Variants in AKAP13 observed in about 807,000 individuals in gnomAD.
AKAP13 encodes A-kinase anchoring protein 13, also known as A-kinase anchor protein 13.
AKAP13 carries 80 observed loss-of-function variants against 264.5 expected under a neutral mutation model. The observed-to-expected ratio is 0.30, with a 90% CI of 0.25 to 0.36. The LOEUF is 0.36. AKAP13 is among the 10% of genes least tolerant of loss of function. The probability of loss-of-function intolerance (pLI) is 1.00; values close to 1 mark genes in which losing one functional copy is unlikely to be tolerated. For missense variants in AKAP13, 3,712 were observed against 3,435.2 expected (o/e 1.08, Z -2.01); for synonymous variants, 1,380 against 1,250.2 (o/e 1.10, Z -2.19).
At chr15:85,384,163 AG>A (rs975739815) in intron 1 of AKAP13, among the ~76,000 whole-genome samples, 4 of 152,248 alleles carry the variant, frequency 2.6e-5, no homozygotes, top group African/African-American at 9.6e-5. Flanking sequence ...TCAAACTTAC[AG>A]ATTGAGGATA....
intron 1 of AKAP13, among the ~76,000 whole-genome samples, chr15:85,442,543 T>C (rs1191859174): frequency 7.5e-6 from 1 of 133,626 alleles, no homozygotes; most frequent in Non-Finnish European, 1.6e-5. Flanking sequence ...ATATATATTA[T>C]ATATATATTT....
At chr15:85,673,427 A>T (rs1220956419) in intron 14 of AKAP13, among the ~76,000 whole-genome samples, 1 of 152,084 alleles carries the variant, frequency 6.6e-6, no homozygotes, top group African/African-American at 2.4e-5. Context: ...AGGGGGTCGC[A>T]GTAGCACAGG....
chr15:85,713,573 T>TGGGGGTGGGGGC (rs2086746970), intron 19 of AKAP13, among the ~76,000 whole-genome samples: 1 of 3,674 alleles, frequency 2.7e-4, no homozygotes, highest in East Asian at 6.7e-3. Flanking sequence ...TGGGTGGGGG[T>TGGGGGTGGGGGC]GGGGGTGGGG....
rs755528819 is a variant in AKAP13 at position 85,530,918 on chromosome 15, A to C, written c.182-2666A>C. ...TTTAGAGACAGGGTCTCTGTCTCCC[A>C]GGCTAGAGTCCAGTGGCATGATCTT... On this transcript the variant is annotated intron_variant, in intron 3 of 36. Coordinates refer to ENST00000394518, the MANE Select transcript of AKAP13 (RefSeq NM_007200.5). Among the ~76,000 whole-genome samples the C allele has an allele frequency of 6.6e-5, 10 of 152,202 alleles. 1 individual carries two copies. Among genetic ancestry groups the C allele is most frequent in the Non-Finnish European group, 1.5e-4 (10 of 68,024 alleles).
At chr15:85,657,944 T>C (rs1312971480) in intron 11 of AKAP13, among the ~76,000 whole-genome samples, 1 of 152,208 alleles carries the variant, frequency 6.6e-6, no homozygotes, top group African/African-American at 2.4e-5. Context: ...TGTGACTGTG[T>C]CTGTCATGTA....
intron 30 of AKAP13, among the ~76,000 whole-genome samples, chr15:85,734,748 C>G (rs558433265): frequency 2.0e-5 from 3 of 152,316 alleles, no homozygotes; most frequent in African/African-American, 7.2e-5. Context: ...TCTGCCTTCC[C>G]TGTACACTTT....
At position 85,639,438 on chromosome 15, in the gene AKAP13, A is replaced by G. The variant is rs753761905; in HGVS notation, c.4226A>G (p.Lys1409Arg). 3 of 1,612,080 alleles carry G rather than the reference A, an allele frequency of 1.9e-6. No individual in the cohort carries two copies. Among genetic ancestry groups the G allele is most frequent in the South Asian group, 1.1e-5 (1 of 91,036 alleles). ...GATGCAGCATCTCTTCTGGCTTCCA[A>G]GCAGAGCCCAGGTAAGCTGAGATTA... ...CPDAASLLASKQSPECENFLD... is the reference protein window; with the variant it reads ...CPDAASLLASRQSPECENFLD... Residue 1409 changes from lysine (K) to arginine (R), a missense_variant, in exon 9 of 37, where the codon AAG (lysine) becomes AGG (arginine). Coordinates refer to ENST00000394518, the MANE Select transcript of AKAP13 (RefSeq NM_007200.5).
intron 1 of AKAP13, among the ~76,000 whole-genome samples, chr15:85,407,693 A>G (rs1841193640): frequency 6.6e-6 from 1 of 151,764 alleles, no homozygotes; most frequent in South Asian, 2.1e-4. Flanking sequence ...GAGGTGTAGA[A>G]TTATTTCGTG....
intron 12 of AKAP13, 67 bp from the exon 13 acceptor site, chr15:85,664,496 T>C: frequency 6.8e-7 from 1 of 1,480,026 alleles, no homozygotes; most frequent in Non-Finnish European, 9.1e-7. Context: ...CCCAAAGGGA[T>C]TTTGTGTCCT....
intron 14 of AKAP13, among the ~76,000 whole-genome samples, chr15:85,672,490 T>C (rs2083984953): frequency 1.3e-5 from 2 of 152,208 alleles, no homozygotes; most frequent in African/African-American, 4.8e-5. Flanking sequence ...TACTTCATAA[T>C]TTGCTCCAGG....
chr15:85,563,182 A>G (rs576705292), intron 5 of AKAP13, among the ~76,000 whole-genome samples: 3 of 152,172 alleles, frequency 2.0e-5, no homozygotes, highest in African/African-American at 7.2e-5. Flanking sequence ...ACATAATTAG[A>G]TGAATTTGTA....
At chr15:85,700,749 C>T (rs766895178) in intron 17 of AKAP13, among the ~76,000 whole-genome samples, 1 of 151,994 alleles carries the variant, frequency 6.6e-6, no homozygotes, top group African/African-American at 2.4e-5. Context: ...ATCAGCCTAC[C>T]TATTCATTTG....
At chr15:85,632,742 A>C (rs2081895943) in intron 8 of AKAP13, among the ~76,000 whole-genome samples, 1 of 152,264 alleles carries the variant, frequency 6.6e-6, no homozygotes, top group Admixed American at 6.5e-5. Flanking sequence ...CATGTACCTA[A>C]AATGACAGGA....
intron 5 of AKAP13, among the ~76,000 whole-genome samples, chr15:85,547,126 C>G (rs1007665359): frequency 2.6e-5 from 4 of 152,194 alleles, no homozygotes; most frequent in Non-Finnish European, 5.9e-5. Context: ...AAGCCGGCCT[C>G]TTTTATTGCC....
At position 85,710,644 on chromosome 15, in the gene AKAP13, G is replaced by T. The variant is rs1243245343; in HGVS notation, c.5598G>T (p.Lys1866Asn). 6.2e-7 allele frequency: 1 copy of T among 1,613,542 alleles called. No individual in the cohort carries two copies. The highest frequency in any genetic ancestry group is 2.2e-5 in the East Asian group (1 of 44,836). The change falls in exon 19 of 37, where the codon AAG (lysine) becomes AAT (asparagine). Residue 1866 changes from lysine (K) to asparagine (N), a missense_variant and splice_region_variant. Lys to Asn is a moderately conservative substitution (Grantham distance 94). Transcript: ENST00000394518. ...SSLPTVIMRN[K>N]PSQPKERPRS... ...TGCCCACGGTCATTATGAGAAACAA[G>T]CGTAAGTAGCTCAGCCCACCTCTCA...
chr15:85,446,323 AGT>A (rs1813139395), intron 1 of AKAP13, among the ~76,000 whole-genome samples: 1 of 152,174 alleles, frequency 6.6e-6, no homozygotes, highest in African/African-American at 2.4e-5. Context: ...ATAAGGAGAC[AGT>A]GTGGAGGTAA....
intron 1 of AKAP13, among the ~76,000 whole-genome samples, chr15:85,476,019 A>G (rs1027201979): frequency 5.9e-5 from 9 of 152,216 alleles, no homozygotes; most frequent in Admixed American, 1.3e-4. Flanking sequence ...AAGCACAAAA[A>G]TAAAAGAAAA....
At chr15:85,624,773 C>G (rs1035054369) in intron 8 of AKAP13, 1 of 152,198 alleles carries the variant, frequency 6.6e-6, no homozygotes, top group Admixed American at 6.5e-5. Flanking sequence ...CTGCCAGAAA[C>G]AAAGACAATT....
At chr15:85,658,469 A>G in intron 11 of AKAP13, 68 bp from the exon 12 acceptor site, 1 of 1,370,628 alleles carries the variant, frequency 7.3e-7, no homozygotes, top group Non-Finnish European at 1.0e-6. Context: ...TGGTGTCTGT[A>G]TGTTTCATGC....
Sources: gnomAD v4.1 joint callset for allele counts (sites outside exome capture counted in the v4.1 genomes callset) on GRCh38, gnomAD v4.1.1 for gene constraint, MANE v1.5 for transcripts, NCBI Gene and HGNC (gene_info 2026-07-23, HGNC 2026-07-21) for gene names.